The following EML1 variants were observed in gnomAD, a reference collection of about 807,000 sequenced individuals.
The protein encoded by EML1 is echinoderm microtubule-associated protein-like 1.
Under a neutral mutation model 110.4 loss-of-function variants are expected in EML1, and 27 were observed. The observed-to-expected ratio is 0.24, with a 90% CI of 0.18 to 0.34. The LOEUF (loss-of-function observed/expected upper bound fraction) is 0.34. EML1 is among the 10% of genes least tolerant of loss of function. EML1 has a pLI of 1.00. For synonymous variants in EML1, 344 were observed against 385.8 expected, an observed-to-expected ratio of 0.89 and a Z score of 1.27; for missense variants, 741 against 1,030.9, an observed-to-expected ratio of 0.72 and a Z score of 3.85.
intron 1 of EML1, among the ~76,000 whole-genome samples, chr14:99,844,796 G>A (rs1425649758): frequency 6.6e-6 from 1 of 152,116 alleles, no homozygotes; most frequent in African/African-American, 2.4e-5. Flanking sequence ...TTTTGAGATG[G>A]GCTTTCTTCA....
intron 15 of EML1, chr14:99,915,244 C>G (rs1595475605): frequency 1.2e-5 from 2 of 165,214 alleles, no homozygotes; most frequent in East Asian, 3.8e-4. Flanking sequence ...GAAACCCCGT[C>G]TCTACTAAAA....
At chr14:99,805,784 C>CT (rs955732358) in intron 1 of EML1, among the ~76,000 whole-genome samples, 63 of 150,108 alleles carry the variant, frequency 4.2e-4, no homozygotes, top group East Asian at 5.8e-4. Flanking sequence ...CCCTAGAACC[C>CT]TTTTTTTTTC....
At chr14:99,885,830 G>A (rs1279928704) in intron 4 of EML1, 4 of 452,002 alleles carry the variant, frequency 8.8e-6, no homozygotes, top group African/African-American at 6.0e-5. Context: ...ATTTAATCGT[G>A]CCAATAACCT....
intron 17 of EML1, among the ~76,000 whole-genome samples, chr14:99,932,298 G>C (rs1243671680): frequency 6.6e-6 from 1 of 152,168 alleles, no homozygotes; most frequent in African/African-American, 2.4e-5. Context: ...AGATAGAAGT[G>C]GATTGCTGAG....
chr14:99,777,367 A>G (rs1406450999), intron 1 of EML1, among the ~76,000 whole-genome samples: 1 of 152,148 alleles, frequency 6.6e-6, no homozygotes, highest in African/African-American at 2.4e-5. Context: ...ACCACTTCCA[A>G]ATATGTTACC....
chr14:99,810,439 G>A lies in EML1; in HGVS notation c.67+16896G>A, dbSNP rs144927143. ...TGTTGCAGTGTTTCATTTCGTCCTC[G>A]CAACCATTCAGTGGACCAGCTGGTG... On this transcript the variant is annotated intron_variant, in intron 1 of 21. Transcript: ENST00000262233. Among the ~76,000 whole-genome samples, 51 of 152,260 alleles carry A rather than the reference G, an allele frequency of 3.3e-4. No individual in the cohort carries two copies. In the Middle Eastern group the frequency reaches 0.014, roughly 41 times the overall value.
At chr14:99,809,322 G>T (rs2058034726) in intron 1 of EML1, 1 of 159,628 alleles carries the variant, frequency 6.3e-6, no homozygotes, top group Admixed American at 6.3e-5. Context: ...AGGTAAAGTG[G>T]CTTGTTTTTT....
chr14:99,912,321 C>A (rs572621876), intron 13 of EML1, among the ~76,000 whole-genome samples: 3 of 152,108 alleles, frequency 2.0e-5, no homozygotes, highest in Non-Finnish European at 4.4e-5. Context: ...CCTTTTGATA[C>A]CCGGTGTACC....
chr14:99,865,446 A>G, intron 2 of EML1, 68 bp from the exon 3 acceptor site: 1 of 1,593,282 alleles, frequency 6.3e-7, no homozygotes, highest in Non-Finnish European at 8.6e-7. Flanking sequence ...GCAGTTGAGG[A>G]CCCCTGCTGT....
intron 1 of EML1, among the ~76,000 whole-genome samples, chr14:99,832,321 A>G (rs901578093): frequency 3.9e-5 from 6 of 152,156 alleles, no homozygotes; most frequent in Admixed American, 6.5e-5. Context: ...GTTTTTGGCT[A>G]TTACAAATAA....
At chr14:99,779,901 T>C (rs1436345088) in intron 1 of EML1, among the ~76,000 whole-genome samples, 1 of 152,234 alleles carries the variant, frequency 6.6e-6, no homozygotes, top group East Asian at 1.9e-4. Context: ...GAGGAATCTA[T>C]CTGCTTCTGT....
intron 2 of EML1, among the ~76,000 whole-genome samples, chr14:99,861,099 G>A (rs1252164401): frequency 6.6e-6 from 1 of 152,138 alleles, no homozygotes; most frequent in East Asian, 1.9e-4. Context: ...CTCCAAAATG[G>A]CAACATAATG....
chr14:99,751,620 G>A (rs1417986500), intron 1 of EML1, among the ~76,000 whole-genome samples: 2 of 152,170 alleles, frequency 1.3e-5, no homozygotes, highest in African/African-American at 2.4e-5. Context: ...TATGGAGAGA[G>A]GCCTGGATAC....
At chr14:99,770,278 T>C (rs534862946), upstream of EML1, among the ~76,000 whole-genome samples, 1 of 152,294 alleles carries the variant, frequency 6.6e-6, no homozygotes, top group African/African-American at 2.4e-5. Context: ...GGGAGGGCTG[T>C]CTTCCTGGTT....
rs1374653116 is a variant in EML1, at chr14:99,891,212, C to T, written c.532C>T (p.Pro178Ser). ...TTATTTTCACAGCAAACCCAAGGAGCCTGTATTCAGTGCAGGTAAGTCTGA... is the reference window on the plus strand; with the variant it reads ...TTATTTTCACAGCAAACCCAAGGAGTCTGTATTCAGTGCAGGTAAGTCTGA... ...KKNSESKPKEPVFSAEEGYVK... is the reference protein window; with the variant it reads ...KKNSESKPKESVFSAEEGYVK... Residue 178 changes from proline (P) to serine (S), a missense_variant, in exon 5 of 22, where the codon CCT becomes TCT. Physicochemically the swap from Pro to Ser is moderately conservative, Grantham distance 74 (BLOSUM62 -1). Coordinates refer to ENST00000262233, the MANE Select transcript of EML1 (RefSeq NM_004434.3). 1 of 1,614,158 alleles carries T rather than the reference C, an allele frequency of 6.2e-7. No homozygotes were observed. The highest frequency in any genetic ancestry group is 8.5e-7 in the Non-Finnish European group (1 of 1,180,026).
At chr14:99,871,917 G>A (rs563473280) in intron 3 of EML1, among the ~76,000 whole-genome samples, 15 of 152,156 alleles carry the variant, frequency 9.9e-5, no homozygotes, top group Non-Finnish European at 2.2e-4. Flanking sequence ...AACGTGGCCC[G>A]GGCTGTCTGG....
chr14:99,780,013 G>A (rs11160549), intron 1 of EML1, among the ~76,000 whole-genome samples: 31,045 of 152,146 alleles, frequency 0.2, 3,875 homozygotes, highest in Non-Finnish European at 0.28. Flanking sequence ...TCTAGTCAGA[G>A]TGCCAGCATG....
intron 17 of EML1, among the ~76,000 whole-genome samples, chr14:99,925,287 T>G (rs980269009): frequency 6.6e-6 from 1 of 151,124 alleles, no homozygotes; most frequent in Admixed American, 6.6e-5. Context: ...TTTTTTTTTT[T>G]TTTTGCTCTG....
rs2057077243 is a variant in EML1 at position 99,744,194 on chromosome 14, T to C, written c.28+6334T>C. ...CGGGATGCTCCAGAATAAACAAATC[T>C]CAATGGCTCAATACCACAAAGGTAC... On this transcript the variant is annotated intron_variant, in intron 1 of 10. Coordinates refer to the EML1 transcript ENST00000554479. Among the ~76,000 whole-genome samples the C allele has an allele frequency of 3.3e-5, 5 of 152,188 alleles. No individual in the cohort carries two copies. The South Asian group carries it at 1.0e-3, about 32-fold the overall frequency.
Sources: gnomAD v4.1 joint callset for allele counts (sites outside exome capture counted in the v4.1 genomes callset) on GRCh38, gnomAD v4.1.1 for gene constraint, MANE v1.5 for transcripts, NCBI Gene and HGNC (gene_info 2026-07-23, HGNC 2026-07-21) for gene names.